Variants in ARMC3 observed in about 807,000 individuals in gnomAD.
The protein encoded by ARMC3 is armadillo repeat-containing protein 3.
ARMC3 carries 74 observed loss-of-function variants against 90.3 expected under a neutral mutation model. That is an observed-to-expected ratio of 0.82 (90% CI 0.68 to 0.99). The LOEUF is 0.99. ARMC3 is among the 50% of genes least tolerant of loss of function. ARMC3 has a pLI of 0.00. For synonymous variants in ARMC3, 334 were observed against 361.8 expected, an observed-to-expected ratio of 0.92 and a Z score of 0.87; for missense variants, 958 against 1,042.8, an observed-to-expected ratio of 0.92 and a Z score of 1.12.
intron 18 of ARMC3, among the ~76,000 whole-genome samples, chr10:23,037,061 C>T (rs1839150297): frequency 6.6e-6 from 1 of 152,246 alleles, no homozygotes; most frequent in Non-Finnish European, 1.5e-5. Context: ...AGGACCTACA[C>T]AGAGATTTTG....
chr10:22,929,555 T>C (rs572840526), intron 1 of ARMC3, among the ~76,000 whole-genome samples: 31 of 152,252 alleles, frequency 2.0e-4, no homozygotes, highest in Non-Finnish European at 1.3e-4. Flanking sequence ...CATAGGCTTT[T>C]TTTGGGGGAG....
At chr10:22,997,357 A>G (rs1837029972) in intron 10 of ARMC3, 1 of 152,206 alleles carries the variant, frequency 6.6e-6, no homozygotes, top group East Asian at 1.9e-4. Flanking sequence ...GTGCTCAAAA[A>G]CAAGGACTAT....
intron 11 of ARMC3, among the ~76,000 whole-genome samples, chr10:23,000,034 C>A: frequency 6.6e-6 from 1 of 152,050 alleles, no homozygotes; most frequent in East Asian, 1.9e-4. Flanking sequence ...TTTTTCCCTC[C>A]CCTCCTATTC....
At chr10:22,992,408 ATT>A (rs1370161162) in intron 10 of ARMC3, among the ~76,000 whole-genome samples, 2 of 151,836 alleles carry the variant, frequency 1.3e-5, no homozygotes, top group African/African-American at 4.8e-5. Flanking sequence ...GGTTTCACAT[ATT>A]TCCTAGCATT....
At chr10:22,960,289 C>G (rs73600584) in intron 6 of ARMC3, 4,107 of 154,972 alleles carry the variant, frequency 0.027, 163 homozygotes, top group African/African-American at 0.091. Context: ...TGGAAAGACA[C>G]AAATTTTAAA....
intron 18 of ARMC3, among the ~76,000 whole-genome samples, chr10:23,034,037 C>T (rs966331360): frequency 6.6e-6 from 1 of 152,206 alleles, no homozygotes; most frequent in African/African-American, 2.4e-5. Flanking sequence ...TTCCCAAACA[C>T]TTATAAACAT....
chr10:22,937,570 A>G (rs905141194), intron 2 of ARMC3, among the ~76,000 whole-genome samples: 2 of 152,180 alleles, frequency 1.3e-5, no homozygotes, highest in African/African-American at 4.8e-5. Flanking sequence ...GGGGCAATCA[A>G]GGAACCTTAT....
intron 16 of ARMC3, among the ~76,000 whole-genome samples, chr10:23,014,999 T>A: frequency 7.0e-6 from 1 of 143,828 alleles, no homozygotes. Context: ...AAGAAGATCA[T>A]AAAGGAAAAA....
chr10:22,947,195 A>G (rs1834564301), intron 3 of ARMC3, among the ~76,000 whole-genome samples: 1 of 152,002 alleles, frequency 6.6e-6, no homozygotes, highest in African/African-American at 2.4e-5. Flanking sequence ...AGTCCCAGCT[A>G]TTTGGGAGGC....
rs12246744 is a variant in ARMC3 at position 23,035,787 on chromosome 10, C to A, written c.2410-1483C>A. ...TCCTCTATAGGCCACCCTTTCCCAGCTCCTAGTGGCAGGCTTTTTCCTATT... is the reference window on the plus strand; with the variant it reads ...TCCTCTATAGGCCACCCTTTCCCAGATCCTAGTGGCAGGCTTTTTCCTATT... On this transcript the variant is annotated intron_variant, in intron 18 of 18. Coordinates refer to ENST00000298032, the MANE Select transcript of ARMC3 (RefSeq NM_173081.5). Among the ~76,000 whole-genome samples, 1,503 of 152,202 alleles carry A rather than the reference C, an allele frequency of 9.9e-3. 27 individuals are homozygous for A. The highest frequency in any genetic ancestry group is 0.034 in the African/African-American group (1,429 of 41,524).
intron 2 of ARMC3, among the ~76,000 whole-genome samples, chr10:22,942,467 G>T (rs1259855993): frequency 6.6e-6 from 1 of 152,184 alleles, no homozygotes; most frequent in Non-Finnish European, 1.5e-5. Flanking sequence ...TTCTGCCTAG[G>T]ATATAGTGGT....
chr10:22,940,250 A>G (rs1273072764), intron 2 of ARMC3, among the ~76,000 whole-genome samples: 1 of 152,258 alleles, frequency 6.6e-6, no homozygotes, highest in Non-Finnish European at 1.5e-5. Flanking sequence ...GCACCTAATA[A>G]CACAAGTTTA....
At position 23,006,929 on chromosome 10, in the gene ARMC3, C is replaced by A; in HGVS notation, c.1777C>A (p.Gln593Lys). Residue 593 changes from glutamine (Q) to lysine (K), a missense_variant, in exon 14 of 19, where the codon CAA becomes AAA. Transcript: ENST00000298032. ...KLLPLKELCL[Q>K]EPSDLRAVLL... is the part of the protein sequence containing the mutation. ...GTTGCCTTTGAAGGAGCTCTGCTTA[C>A]AAGAACCAAGTGACCTACGGGCTGT... The A allele has an allele frequency of 6.2e-7, 1 of 1,613,884 alleles. No homozygotes were observed. The highest frequency in any genetic ancestry group is 8.5e-7 in the Non-Finnish European group (1 of 1,179,900).
At chr10:23,023,862 A>AT (rs1173612325) in intron 16 of ARMC3, among the ~76,000 whole-genome samples, 1 of 152,198 alleles carries the variant, frequency 6.6e-6, no homozygotes, top group African/African-American at 2.4e-5. Context: ...TTACGGGACA[A>AT]TAATAAAAGA....
At chr10:23,035,691 C>A (rs987924162) in intron 18 of ARMC3, among the ~76,000 whole-genome samples, 4 of 152,106 alleles carry the variant, frequency 2.6e-5, no homozygotes, top group Non-Finnish European at 4.4e-5. Context: ...CATCCTTCCC[C>A]CTCTGCCTTG....
intron 18 of ARMC3, among the ~76,000 whole-genome samples, chr10:23,036,002 C>T (rs2131581393): frequency 6.6e-6 from 1 of 152,246 alleles, no homozygotes; most frequent in East Asian, 1.9e-4. Context: ...GACAGATGCC[C>T]TCGCTCTCAC....
chr10:23,036,745 C>T (rs143360076), intron 18 of ARMC3, among the ~76,000 whole-genome samples: 13 of 152,332 alleles, frequency 8.5e-5, no homozygotes, highest in Admixed American at 3.9e-4. Flanking sequence ...AGGGCAAATT[C>T]AAGAGACAGT....
At chr10:22,941,039 T>C (rs1482552675) in intron 2 of ARMC3, among the ~76,000 whole-genome samples, 1 of 151,936 alleles carries the variant, frequency 6.6e-6, no homozygotes, top group Non-Finnish European at 1.5e-5. Flanking sequence ...ACAAATGAGA[T>C]CCATGAAACA....
intron 2 of ARMC3, 71 bp downstream of exon 2, chr10:22,932,115 G>T: frequency 1.4e-6 from 2 of 1,387,274 alleles, no homozygotes; most frequent in South Asian, 2.6e-5. Context: ...CACACAGTTT[G>T]GCATGTACCA....
Sources: gnomAD v4.1 joint callset for allele counts (sites outside exome capture counted in the v4.1 genomes callset) on GRCh38, gnomAD v4.1.1 for gene constraint, MANE v1.5 for transcripts, NCBI Gene and HGNC (gene_info 2026-07-23, HGNC 2026-07-21) for gene names.